The following KDM2A variants were observed in gnomAD, a reference collection of about 807,000 sequenced individuals.
The protein encoded by KDM2A is lysine-specific demethylase 2A.
KDM2A carries 3 observed loss-of-function variants against 137.3 expected under a neutral mutation model. The observed-to-expected ratio is 0.02, with a 90% confidence interval of 0.01 to 0.06. The LOEUF is 0.06. KDM2A is among the 10% of genes least tolerant of loss of function. The pLI is 1.00. For missense variants in KDM2A, 738 were observed against 1,510.6 expected (o/e 0.49, Z 8.48); for synonymous variants, 512 against 541.5 (o/e 0.95, Z 0.76).
At chr11:67,164,659 C>T (rs1856701727) in intron 2 of KDM2A, among the ~76,000 whole-genome samples, 1 of 151,118 alleles carries the variant, frequency 6.6e-6, no homozygotes, top group South Asian at 2.1e-4. Flanking sequence ...CTTGCTCTGT[C>T]GCCCAGGCTG....
Position 67,253,569 on chromosome 11 carries a change from C to T in KDM2A, c.3049C>T (p.Pro1017Ser). ...TCGGTGGGCAGTAGGAATCAAGGAC[C>T]CTCAAATTCGGGACTTGCTTACTCC... ...DLRWAVGIKDPQIRDLLTPPA... is the reference protein window; with the variant it reads ...DLRWAVGIKDSQIRDLLTPPA... Residue 1017 changes from proline to serine, a missense_variant, in exon 19 of 21, where the codon CCT becomes TCT. Physicochemically the swap from Pro to Ser is moderately conservative, Grantham distance 74. Around this residue, in one of 9 missense-constraint regions of KDM2A, gnomAD observed 166 missense variants for 324.0 expected, o/e 0.51. Coordinates refer to ENST00000529006, the MANE Select transcript of KDM2A (RefSeq NM_012308.3). The T allele has an allele frequency of 1.9e-6, 3 of 1,613,900 alleles. No homozygotes were observed. The highest frequency in any genetic ancestry group is 2.5e-6 in the Non-Finnish European group (3 of 1,179,856).
At chr11:67,222,980 G>A (rs1858413730) in intron 10 of KDM2A, among the ~76,000 whole-genome samples, 1 of 151,624 alleles carries the variant, frequency 6.6e-6, no homozygotes, top group Non-Finnish European at 1.5e-5. Context: ...ATTACCTGAG[G>A]TCAGGAAGTT....
At chr11:67,175,099 C>T (rs1458833365) in intron 2 of KDM2A, among the ~76,000 whole-genome samples, 1 of 152,090 alleles carries the variant, frequency 6.6e-6, no homozygotes, top group African/African-American at 2.4e-5. Flanking sequence ...AGTGGCCTTA[C>T]CTTTTGAGTT....
intron 5 of KDM2A, chr11:67,196,635 A>G (rs1857489654): frequency 2.8e-6 from 1 of 363,182 alleles, no homozygotes; most frequent in Admixed American, 3.6e-5. Flanking sequence ...AAAAATATAA[A>G]TACTGTGTAA....
At position 67,254,553 on chromosome 11, in the gene KDM2A, G is replaced by GT; in HGVS notation, c.3307+135_3307+136insT. 1.3e-6 allele frequency: 1 copy of GT among 779,314 alleles called. No individual in the cohort carries two copies. The highest frequency in any genetic ancestry group is 2.1e-6 in the Non-Finnish European group (1 of 470,134). The allele number at this position is 779,314 out of a possible 1,614,324, so 48.3% of individuals were successfully genotyped here. ...GCTCATTTCTTCACATCTGGACAAGGACATGGATTTCTATCCCTTTTTTAA... is the reference window on the plus strand; with the variant it reads ...GCTCATTTCTTCACATCTGGACAAGGTACATGGATTTCTATCCCTTTTTTAA... On this transcript the variant is annotated intron_variant, in intron 20 of 20. Coordinates refer to ENST00000529006, the MANE Select transcript of KDM2A (RefSeq NM_012308.3). The surrounding 1 kb of genome is among the most constrained non-coding windows in gnomAD (Gnocchi z 4.7).
intron 6 of KDM2A, among the ~76,000 whole-genome samples, chr11:67,213,027 G>C (rs2136390820): frequency 6.6e-6 from 1 of 152,240 alleles, no homozygotes; most frequent in East Asian, 1.9e-4. Context: ...AAAATTGTTG[G>C]CTCCCTGAGC....
intron 5 of KDM2A, among the ~76,000 whole-genome samples, chr11:67,191,287 A>G (rs1857348109): frequency 6.6e-6 from 1 of 152,100 alleles, no homozygotes. Context: ...GGCCTCCCAA[A>G]GTGCTGAGAT....
chr11:67,186,027 T>TA lies in KDM2A; in HGVS notation c.307+4136dup, dbSNP rs1857197051. On this transcript the variant is annotated intron_variant, in intron 5 of 20. Coordinates refer to ENST00000529006, the MANE Select transcript of KDM2A (RefSeq NM_012308.3). Reference sequence around the variant, plus strand: ...TTTGACACCACTAAGCAGACCAACATACACATTATAGAAGTACCAGAAGGA... The same window carrying TA: ...TTTGACACCACTAAGCAGACCAACATAACACATTATAGAAGTACCAGAAGGA... Among the ~76,000 whole-genome samples, 3 of 151,980 alleles carry TA rather than the reference T, an allele frequency of 2.0e-5. No homozygotes were observed. The South Asian group carries it at 6.2e-4, about 32-fold the overall frequency.
chr11:67,132,495 C>A (rs562086161), intron 2 of KDM2A, among the ~76,000 whole-genome samples: 14 of 152,234 alleles, frequency 9.2e-5, no homozygotes, highest in African/African-American at 3.4e-4. Flanking sequence ...TATTATTGGC[C>A]AGGCTGGTCT....
intron 13 of KDM2A, among the ~76,000 whole-genome samples, chr11:67,244,819 A>G (rs1590823353): frequency 1.3e-5 from 2 of 152,130 alleles, no homozygotes; most frequent in East Asian, 3.9e-4. Context: ...CCCCGTCTCT[A>G]CAAAAAATAC....
In KDM2A at chr11:67,254,923, C is replaced by T; in HGVS notation, c.3357C>T (p.Ala1119=). Reference sequence around the variant, plus strand: ...CCCTGATCTACCTACGGCGCATTGCCAACGTCACCTTGATCGACCTTCGAG... The same window carrying T: ...CCCTGATCTACCTACGGCGCATTGCTAACGTCACCTTGATCGACCTTCGAG... The part of the protein sequence containing the change: ...DQTLIYLRRI[A]NVTLIDLRGC... Residue 1119 remains alanine, a synonymous_variant, in exon 21 of 21, where the codon GCC becomes GCT. Coordinates refer to ENST00000529006, the MANE Select transcript of KDM2A (RefSeq NM_012308.3). This position sits in a 1 kb window ranked among gnomAD's most constrained non-coding sequence, Gnocchi z 4.7. 6.2e-7 allele frequency: 1 copy of T among 1,613,994 alleles called. No homozygotes were observed. The highest frequency in any genetic ancestry group is 1.3e-5 in the African/African-American group (1 of 75,038).
intron 2 of KDM2A, among the ~76,000 whole-genome samples, chr11:67,161,349 G>T (rs560778317): frequency 7.4e-4 from 112 of 152,268 alleles, no homozygotes; most frequent in Non-Finnish European, 1.4e-3. Flanking sequence ...ACTTTGGAGA[G>T]TATCTAGTGT....
chr11:67,203,136 C>A (rs1227706422), intron 5 of KDM2A, among the ~76,000 whole-genome samples: 2 of 152,166 alleles, frequency 1.3e-5, no homozygotes, highest in African/African-American at 4.8e-5. Flanking sequence ...AGTTCCTCCA[C>A]AGGCCAAGAT....
intron 12 of KDM2A, chr11:67,240,319 G>C: frequency 6.5e-7 from 1 of 1,535,618 alleles, no homozygotes; most frequent in Non-Finnish European, 8.7e-7. Context: ...AAAGACGCTG[G>C]GGAAACTTCA....
intron 2 of KDM2A, among the ~76,000 whole-genome samples, chr11:67,142,405 C>G (rs1002547463): frequency 6.7e-6 from 1 of 149,986 alleles, no homozygotes; most frequent in African/African-American, 2.4e-5. Context: ...AATCCCAGCA[C>G]TTTGGGAGGC....
At position 67,245,530 on chromosome 11, in the gene KDM2A, T is replaced by TA; in HGVS notation, c.1833+73dup. On this transcript the variant is annotated intron_variant, in intron 14 of 20. Coordinates refer to ENST00000529006, the MANE Select transcript of KDM2A (RefSeq NM_012308.3). This position sits in a 1 kb window ranked among gnomAD's most constrained non-coding sequence, Gnocchi z 4.1. Reference sequence around the variant, plus strand: ...CAAAGGAACTGAAATACATATAGTGTAGAGTTAAAGAGACTTCAGAGTTGG... The same window carrying TA: ...CAAAGGAACTGAAATACATATAGTGTAAGAGTTAAAGAGACTTCAGAGTTGG... 1 of 1,527,230 alleles carries TA rather than the reference T, an allele frequency of 6.5e-7. No homozygotes were observed. The highest frequency in any genetic ancestry group is 9.0e-7 in the Non-Finnish European group (1 of 1,112,836). 94.6% of individuals were successfully genotyped at this position (1,527,230 alleles called of 1,614,324 possible). A position where few individuals can be genotyped will look rare whatever the true frequency, so the allele number is the denominator to read the frequency against.
intron 2 of KDM2A, among the ~76,000 whole-genome samples, chr11:67,131,789 TTTGA>T (rs1855860868): frequency 6.6e-6 from 1 of 152,170 alleles, no homozygotes; most frequent in Non-Finnish European, 1.5e-5. Context: ...ATAGCCAGTG[TTTGA>T]TTATGTTTCA....
chr11:67,130,936 G>T (rs1471049004), intron 2 of KDM2A, among the ~76,000 whole-genome samples: 1 of 151,284 alleles, frequency 6.6e-6, no homozygotes, highest in East Asian at 1.9e-4. Flanking sequence ...TCACAGAGTC[G>T]GTAAGAGGTG....
In KDM2A at chr11:67,119,484, A is replaced by C. The variant is rs1310560098; in HGVS notation, c.-649A>C. 1 of 152,832 alleles carries C rather than the reference A, an allele frequency of 6.5e-6. No homozygotes were observed. The highest frequency in any genetic ancestry group is 2.4e-5 in the African/African-American group (1 of 41,342). 9.5% of individuals were successfully genotyped at this position (152,832 alleles called of 1,614,324 possible). On this transcript the variant is annotated 5_prime_UTR_variant, in exon 1 of 21. Coordinates refer to ENST00000529006, the MANE Select transcript of KDM2A (RefSeq NM_012308.3). ...CATCCCCCGGAATCCCTCTTCTGCG[A>C]CTGGGGAGTAGCCGGGGGGCTCGTC...
Sources: gnomAD v4.1 joint callset for allele counts (sites outside exome capture counted in the v4.1 genomes callset) on GRCh38, gnomAD v4.1.1 for gene constraint, gnomAD v4.1.1 regional missense constraint, Gnocchi (gnomAD v3.1) non-coding constraint, MANE v1.5 for transcripts, NCBI Gene and HGNC (gene_info 2026-07-23, HGNC 2026-07-21) for gene names.